The following STXBP5 variants were observed in gnomAD, a reference collection of about 807,000 sequenced individuals.
STXBP5 encodes the protein syntaxin binding protein 5.
A neutral mutation model predicts 152.4 loss-of-function variants in STXBP5; 50 were observed. That is an observed-to-expected ratio of 0.33 (90% confidence interval 0.26 to 0.42). STXBP5 has a LOEUF of 0.42. Among genes scored for constraint, STXBP5 ranks in the 10% least tolerant of loss-of-function variants. STXBP5 has a pLI of 1.00. For synonymous variants in STXBP5, 492 were observed against 494.7 expected, an observed-to-expected ratio of 0.99 and a Z score of 0.07; for missense variants, 1,167 against 1,388.6, an observed-to-expected ratio of 0.84 and a Z score of 2.54.
chr6:147,370,536 C>T (rs1785491587), intron 25 of STXBP5, among the ~76,000 whole-genome samples: 1 of 151,808 alleles, frequency 6.6e-6, no homozygotes, highest in African/African-American at 2.4e-5. Flanking sequence ...CTTAACTGTA[C>T]CATAGTGAAA....
chr6:147,338,319 T>C (rs1302407247), intron 19 of STXBP5, among the ~76,000 whole-genome samples: 1 of 152,002 alleles, frequency 6.6e-6, no homozygotes, highest in Admixed American at 6.6e-5. Flanking sequence ...ATGAGAAATA[T>C]ATAGATAAAA....
intron 17 of STXBP5, 29 bp downstream of exon 17, chr6:147,325,113 T>G: frequency 1.4e-6 from 2 of 1,470,770 alleles, no homozygotes; most frequent in Non-Finnish European, 1.8e-6. Context: ...TTTTTCTAAG[T>G]CTCTTCATAG....
chr6:147,246,302 A>G (rs1204639283), intron 4 of STXBP5, among the ~76,000 whole-genome samples: 1 of 152,236 alleles, frequency 6.6e-6, no homozygotes, highest in Non-Finnish European at 1.5e-5. Flanking sequence ...TATGACCAGT[A>G]TTCTCAATCA....
chr6:147,382,358 G>A (rs900503300), intron 26 of STXBP5, among the ~76,000 whole-genome samples: 2 of 152,098 alleles, frequency 1.3e-5, no homozygotes, highest in Admixed American at 6.6e-5. Context: ...TTAAGTAAGA[G>A]GAAGTGTGGA....
chr6:147,384,920 G>A lies in STXBP5; in HGVS notation c.*165G>A, dbSNP rs1786269365. 1.4e-6 allele frequency: 1 copy of A among 704,594 alleles called. No individual in the cohort carries two copies. Among genetic ancestry groups the A allele is most frequent in the Non-Finnish European group, 2.5e-6 (1 of 407,756 alleles). The allele number at this position is 704,594 out of a possible 1,614,324, so 43.6% of individuals were successfully genotyped here. On this transcript the variant is annotated 3_prime_UTR_variant, in exon 28 of 28. Coordinates refer to ENST00000321680, the MANE Select transcript of STXBP5 (RefSeq NM_001127715.4). ...ACCTCAGTCATGTGGCTTTAACTGA[G>A]GAGTGTTCACACGCACTCGAAATGG...
intron 26 of STXBP5, among the ~76,000 whole-genome samples, chr6:147,374,986 G>A (rs1265631946): frequency 6.6e-6 from 1 of 152,176 alleles, no homozygotes; most frequent in African/African-American, 2.4e-5. Flanking sequence ...TGTTAATTAA[G>A]ATTTTTCCAG....
At chr6:147,284,188 G>T (rs576822753) in intron 8 of STXBP5, among the ~76,000 whole-genome samples, 7 of 151,876 alleles carry the variant, frequency 4.6e-5, no homozygotes, top group African/African-American at 7.3e-5. Context: ...TACGTGTCCC[G>T]CTGTCCGTGC....
intron 6 of STXBP5, among the ~76,000 whole-genome samples, chr6:147,262,728 C>G (rs1482135265): frequency 6.6e-6 from 1 of 151,642 alleles, no homozygotes; most frequent in Non-Finnish European, 1.5e-5. Flanking sequence ...CACAGATTGC[C>G]TTACGTTATA....
chr6:147,293,205 A>G (rs1007282591), intron 9 of STXBP5: 13 of 152,222 alleles, frequency 8.5e-5, no homozygotes, highest in Admixed American at 7.9e-4. Context: ...TGTTCATACA[A>G]TGACAAAATT....
At chr6:147,342,405 T>C (rs1262275418) in intron 21 of STXBP5, among the ~76,000 whole-genome samples, 1 of 152,182 alleles carries the variant, frequency 6.6e-6, no homozygotes, top group Admixed American at 6.5e-5. Flanking sequence ...ATGACCTTGA[T>C]CTTGCATAAG....
intron 4 of STXBP5, among the ~76,000 whole-genome samples, chr6:147,242,261 T>C (rs543137860): frequency 5.3e-5 from 8 of 152,034 alleles, no homozygotes; most frequent in African/African-American, 1.2e-4. Context: ...GAAAAAATTA[T>C]ATAGTTTTAC....
chr6:147,211,985 G>A (rs1582789083), intron 2 of STXBP5, among the ~76,000 whole-genome samples: 1 of 152,302 alleles, frequency 6.6e-6, no homozygotes, highest in African/African-American at 2.4e-5. Context: ...GAAACAAGGA[G>A]CTTGAAATAC....
At chr6:147,247,571 A>G (rs1230068994) in intron 4 of STXBP5, among the ~76,000 whole-genome samples, 1 of 152,216 alleles carries the variant, frequency 6.6e-6, no homozygotes, top group Non-Finnish European at 1.5e-5. Context: ...ACTGTTAAAG[A>G]AAGGATGTTC....
At chr6:147,230,588 C>T (rs1777950648) in intron 2 of STXBP5, among the ~76,000 whole-genome samples, 1 of 151,642 alleles carries the variant, frequency 6.6e-6, no homozygotes, top group South Asian at 2.1e-4. Context: ...TGTTCCTTTT[C>T]CAGTTTTAAG....
In STXBP5 at chr6:147,313,938, A is replaced by T. The variant is rs763524228; in HGVS notation, c.1200A>T (p.Thr400=). 1.3e-5 allele frequency: 21 copies of T among 1,602,576 alleles called. No individual in the cohort carries two copies. The African/African-American group carries it at 2.8e-4, about 21-fold the overall frequency. The change falls in exon 12 of 28, where the codon ACA becomes ACT. Residue 400 remains threonine, a synonymous_variant. Transcript: ENST00000321680. ...YPLSIHESPV[T]CCEYFADCPV... is the part of the protein sequence containing the mutation. Reference sequence around the variant, plus strand: ...TGAGTATACATGAGTCCCCTGTTACATGTTGCGAATATTTTGCGGATTGTC... The same window carrying T: ...TGAGTATACATGAGTCCCCTGTTACTTGTTGCGAATATTTTGCGGATTGTC...
chr6:147,262,332 TA>T lies in STXBP5; in HGVS notation c.611del (p.Asn204IlefsTer9). 1 of 1,566,272 alleles carries T rather than the reference TA, an allele frequency of 6.4e-7. No homozygotes were observed. Among genetic ancestry groups the T allele is most frequent in the South Asian group, 1.2e-5 (1 of 80,402 alleles). ...CAGGACCTGTGGTCCATATAAGTGA[TA>T]ATCCAATGGACGAGGGAAAGGTAGA... ...HPGPVVHISDNPMDEGKLLIG... is the reference protein window; with the variant it reads ...HPGPVVHISDXPMDEGKLLIG... On this transcript the variant is annotated frameshift_variant, in exon 6 of 28. Coordinates refer to ENST00000321680, the MANE Select transcript of STXBP5 (RefSeq NM_001127715.4). LOFTEE classifies it high-confidence loss of function.
chr6:147,379,991 G>A (rs1248887832), intron 26 of STXBP5, among the ~76,000 whole-genome samples: 1 of 152,028 alleles, frequency 6.6e-6, no homozygotes. Context: ...TAAGATGTAA[G>A]TCAGTTGACC....
intron 25 of STXBP5, among the ~76,000 whole-genome samples, chr6:147,369,016 G>A (rs551506527): frequency 1.6e-4 from 25 of 151,756 alleles, no homozygotes; most frequent in African/African-American, 6.0e-4. Context: ...GTAAATACAA[G>A]AGAACTAAAA....
intron 18 of STXBP5, 29 bp from the exon 19 acceptor site, chr6:147,334,128 T>A: frequency 6.2e-7 from 1 of 1,603,818 alleles, no homozygotes; most frequent in South Asian, 1.1e-5. Flanking sequence ...AATGTATGGG[T>A]TGATTTGTTT....
Sources: allele counts gnomAD v4.1 joint callset (sites outside exome capture counted in the v4.1 genomes callset), GRCh38; gene constraint gnomAD v4.1.1; transcripts MANE v1.5; gene names NCBI Gene and HGNC (gene_info 2026-07-23, HGNC 2026-07-21).